CAPS2: variants seen among roughly 807,000 people sequenced by gnomAD.
The protein encoded by CAPS2 is calcyphosine 2, also known as calcyphosin-2.
Under a neutral mutation model 86.5 loss-of-function variants are expected in CAPS2, and 98 were observed. The observed-to-expected ratio is 1.13, with a 90% CI of 0.96 to 1.34. The LOEUF (loss-of-function observed/expected upper bound fraction) is 1.34. Ranked by LOEUF, CAPS2 falls within the 40% of genes most tolerant of loss-of-function variation. The pLI is 0.00. For synonymous variants in CAPS2, 210 were observed against 225.1 expected (o/e 0.93, Z 0.60); for missense variants, 729 against 686.8 (o/e 1.06, Z -0.69).
intron 1 of CAPS2, among the ~76,000 whole-genome samples, chr12:75,380,335 C>T (rs974813021): frequency 6.6e-6 from 1 of 152,138 alleles, no homozygotes; most frequent in Admixed American, 6.5e-5. Flanking sequence ...CTAACTGTAC[C>T]AGGGGAAATA....
At position 75,289,944 on chromosome 12, in the gene CAPS2, A is replaced by G. The variant is rs543030476; in HGVS notation, c.1241-169T>C. Among the ~76,000 whole-genome samples the G allele has an allele frequency of 3.3e-5, 5 of 152,362 alleles. No homozygotes were observed. The South Asian group carries it at 8.3e-4, about 25-fold the overall frequency. ...GACTTTGGAAAATAGGATGTTTTTAATCAAGAGGATTAAACATAAAATCAC... is the reference window on the plus strand; with the variant it reads ...GACTTTGGAAAATAGGATGTTTTTAGTCAAGAGGATTAAACATAAAATCAC... On this transcript the variant is annotated intron_variant, in intron 13 of 16. Transcript: ENST00000393284.
chr12:75,277,676 T>A, exon 17 of CAPS2: 1 of 979,824 alleles, frequency 1.0e-6, no homozygotes, highest in Non-Finnish European at 1.2e-6. Context: ...ACACTTCTCA[T>A]GTTGCTGCCA....
upstream of CAPS2, among the ~76,000 whole-genome samples, chr12:75,332,852 AG>A: frequency 6.6e-6 from 1 of 152,210 alleles, no homozygotes; most frequent in East Asian, 1.9e-4. Flanking sequence ...AATGCAATGA[AG>A]AAAAATAAAA....
At chr12:75,321,312 G>T in intron 5 of CAPS2, 88 bp downstream of exon 5, 1 of 800,534 alleles carries the variant, frequency 1.2e-6, no homozygotes, top group Non-Finnish European at 2.0e-6. Context: ...ATGACTAATA[G>T]CAAGATATGT....
At chr12:75,277,623 T>C in exon 17 of CAPS2, 2 of 984,706 alleles carry the variant, frequency 2.0e-6, no homozygotes, top group Non-Finnish European at 2.4e-6. Flanking sequence ...CCTTCTCACA[T>C]CTTGAAAAGT....
chr12:75,384,955 A>T (rs1299907450), intron 1 of CAPS2, among the ~76,000 whole-genome samples: 1 of 152,234 alleles, frequency 6.6e-6, no homozygotes, highest in Non-Finnish European at 1.5e-5. Flanking sequence ...TCATGAATGA[A>T]CCAATACATT....
intron 1 of CAPS2, among the ~76,000 whole-genome samples, chr12:75,366,309 G>C (rs2043957334): frequency 6.6e-6 from 1 of 152,122 alleles, no homozygotes; most frequent in African/African-American, 2.4e-5. Flanking sequence ...CAGAAAGGAA[G>C]AAGATTGGAT....
chr12:75,297,753 C>T (rs1185051286), intron 11 of CAPS2, among the ~76,000 whole-genome samples: 3 of 152,206 alleles, frequency 2.0e-5, no homozygotes, highest in Non-Finnish European at 4.4e-5. Context: ...GACTGAACTA[C>T]TTCCAGTTCT....
chr12:75,320,912 A>T (rs2040238300), intron 5 of CAPS2, among the ~76,000 whole-genome samples: 1 of 152,004 alleles, frequency 6.6e-6, no homozygotes, highest in African/African-American at 2.4e-5. Context: ...ACATAAAAAC[A>T]TAACAATTTC....
At chr12:75,297,421 C>T (rs1460312471) in intron 11 of CAPS2, among the ~76,000 whole-genome samples, 1 of 152,162 alleles carries the variant, frequency 6.6e-6, no homozygotes, top group Non-Finnish European at 1.5e-5. Flanking sequence ...CTGACTCTAC[C>T]TATCAAAGAA....
chr12:75,362,741 CAT>C (rs1412798598), intron 1 of CAPS2, among the ~76,000 whole-genome samples: 3 of 152,066 alleles, frequency 2.0e-5, no homozygotes, highest in African/African-American at 4.8e-5. Context: ...AAAATTAAAA[CAT>C]AAAACACATG....
chr12:75,293,050 T>G (rs1034920415), intron 12 of CAPS2, among the ~76,000 whole-genome samples, 199 bp downstream of exon 12: 21 of 152,124 alleles, frequency 1.4e-4, no homozygotes, highest in Admixed American at 1.4e-3. Flanking sequence ...AATATTTCAT[T>G]GATTATAACT....
chr12:75,285,359 T>C (rs543846887), intron 14 of CAPS2, among the ~76,000 whole-genome samples: 1 of 152,154 alleles, frequency 6.6e-6, no homozygotes, highest in African/African-American at 2.4e-5. Flanking sequence ...ATAATAATTG[T>C]ATATAGTTAT....
At position 75,325,237 on chromosome 12, in the gene CAPS2, AC is replaced by A. The variant is rs2040656863; in HGVS notation, c.131+1del. 1 of 1,549,324 alleles carries A rather than the reference AC, an allele frequency of 6.5e-7. No individual in the cohort carries two copies. The highest frequency in any genetic ancestry group is 2.5e-5 in the East Asian group (1 of 40,800). The stretch of plus-strand genomic sequence containing the variant: ...GTCCAAATGTGAAGAAACGTAACTT[AC>A]ACTGGTGGGCAAGAATTCTGGTTTG... On this transcript the variant is annotated splice_donor_variant, in intron 2 of 16. Coordinates refer to ENST00000393284, the Ensembl canonical transcript of CAPS2. LOFTEE classifies it high-confidence loss of function.
chr12:75,359,840 T>C (rs1181176881), intron 1 of CAPS2: 1 of 152,170 alleles, frequency 6.6e-6, no homozygotes, highest in Non-Finnish European at 1.5e-5. Context: ...GTTGATGTAT[T>C]TGTTCATTTT....
chr12:75,366,108 T>C (rs1271654484), intron 1 of CAPS2, among the ~76,000 whole-genome samples: 1 of 152,196 alleles, frequency 6.6e-6, no homozygotes, highest in Non-Finnish European at 1.5e-5. Flanking sequence ...TTAAGTCATG[T>C]GAACTTGAAA....
chr12:75,319,430 T>C (rs2040092918), intron 5 of CAPS2, among the ~76,000 whole-genome samples: 1 of 152,186 alleles, frequency 6.6e-6, no homozygotes, highest in Admixed American at 6.6e-5. Context: ...TATGTTGCTA[T>C]GTGATCTCTG....
At chr12:75,343,904 T>G (rs143052259) in intron 1 of CAPS2, 1 of 1,611,430 alleles carries the variant, frequency 6.2e-7, no homozygotes, top group Non-Finnish European at 8.5e-7. Flanking sequence ...TTTGATAGTC[T>G]ATCATGCTCC....
intron 1 of CAPS2, among the ~76,000 whole-genome samples, chr12:75,369,312 T>A (rs1175775685): frequency 6.9e-6 from 1 of 145,306 alleles, no homozygotes; most frequent in African/African-American, 2.8e-5. Flanking sequence ...TTACTCATCT[T>A]ATTTATTTAT....
Sources: gnomAD v4.1 joint callset for allele counts (sites outside exome capture counted in the v4.1 genomes callset) on GRCh38, gnomAD v4.1.1 for gene constraint, MANE v1.5 for transcripts, NCBI Gene and HGNC (gene_info 2026-07-23, HGNC 2026-07-21) for gene names.